Variants in CDH10 observed in about 807,000 individuals in gnomAD.
The protein encoded by CDH10 is cadherin 10.
A neutral mutation model predicts 73.1 loss-of-function variants in CDH10; 30 were observed. That is an observed-to-expected ratio of 0.41 (90% CI 0.31 to 0.56). CDH10 has a LOEUF of 0.56. Ranked by LOEUF, CDH10 falls within the 20% of genes least tolerant of loss-of-function variation. The pLI, the probability that CDH10 is intolerant of heterozygous loss-of-function variation, is 0.27. For missense variants in CDH10, 815 were observed against 973.7 expected (o/e 0.84, Z 2.17); for synonymous variants, 345 against 348.2 (o/e 0.99, Z 0.10).
chr5:24,528,867 T>G (rs2111848327), intron 5 of CDH10, among the ~76,000 whole-genome samples: 1 of 152,108 alleles, frequency 6.6e-6, no homozygotes, highest in South Asian at 2.1e-4. Flanking sequence ...ATAACCTGGA[T>G]CCGCAACCTG....
intron 1 of CDH10, among the ~76,000 whole-genome samples, chr5:24,627,122 C>T (rs1747536135): frequency 6.6e-6 from 1 of 151,684 alleles, no homozygotes; most frequent in African/African-American, 2.4e-5. Context: ...TTTGCCCTAC[C>T]AGTAACATTT....
At chr5:24,589,128 T>C (rs1461110479) in intron 2 of CDH10, among the ~76,000 whole-genome samples, 1 of 152,134 alleles carries the variant, frequency 6.6e-6, no homozygotes, top group East Asian at 1.9e-4. Flanking sequence ...ACTGGAGTGG[T>C]ACCTAGAAGG....
intron 10 of CDH10, among the ~76,000 whole-genome samples, chr5:24,492,329 T>C (rs529229157): frequency 6.6e-6 from 1 of 152,364 alleles, no homozygotes; most frequent in South Asian, 2.1e-4. Context: ...AGAAGGTTTT[T>C]TAACCTTCAA....
intron 1 of CDH10, among the ~76,000 whole-genome samples, chr5:24,632,690 T>C (rs7707804): frequency 0.017 from 2,535 of 152,086 alleles, 71 homozygotes; most frequent in African/African-American, 0.058. Flanking sequence ...ACACATAACA[T>C]AGAGATCATT....
chr5:24,528,559 T>G (rs1353473780), intron 5 of CDH10, among the ~76,000 whole-genome samples: 1 of 151,950 alleles, frequency 6.6e-6, no homozygotes, highest in Non-Finnish European at 1.5e-5. Context: ...CCTTGTCTCA[T>G]GCAAACTTGT....
At chr5:24,580,569 A>C (rs1374128978) in intron 2 of CDH10, among the ~76,000 whole-genome samples, 1 of 152,114 alleles carries the variant, frequency 6.6e-6, no homozygotes, top group Non-Finnish European at 1.5e-5. Context: ...ATTAGTTAAA[A>C]CTTAGTTAGT....
intron 2 of CDH10, among the ~76,000 whole-genome samples, chr5:24,555,364 G>C (rs1233688698): frequency 6.6e-6 from 1 of 152,096 alleles, no homozygotes; most frequent in African/African-American, 2.4e-5. Flanking sequence ...GGACTGTCAA[G>C]CAGTTCCCAA....
Position 24,489,774 on chromosome 5 carries a change from A to T in CDH10, c.1877-1621T>A, listed in dbSNP as rs377558414. On this transcript the variant is annotated intron_variant, in intron 11 of 11. Coordinates refer to ENST00000264463, the MANE Select transcript of CDH10 (RefSeq NM_006727.5). ...GCTCATGACTATAAAATGAATTATC[A>T]TTGTTTGGGGGGAAAGTAAACCAGG... Among the ~76,000 whole-genome samples the T allele has an allele frequency of 1.7e-3, 265 of 152,232 alleles. 3 individuals carry two copies. The South Asian group carries it at 0.018, about 11-fold the overall frequency.
chr5:24,560,964 T>A (rs1010808260), intron 2 of CDH10, among the ~76,000 whole-genome samples: 9 of 152,116 alleles, frequency 5.9e-5, no homozygotes, highest in African/African-American at 2.2e-4. Flanking sequence ...TTAGCTAAAT[T>A]GATAGATATT....
intron 1 of CDH10, among the ~76,000 whole-genome samples, chr5:24,602,252 T>G (rs1440875102): frequency 6.6e-6 from 1 of 152,140 alleles, no homozygotes; most frequent in Non-Finnish European, 1.5e-5. Context: ...ATTATATATT[T>G]GATCTATATT....
chr5:24,604,431 G>A (rs925628749), intron 1 of CDH10, among the ~76,000 whole-genome samples: 2 of 152,078 alleles, frequency 1.3e-5, no homozygotes, highest in East Asian at 1.9e-4. Context: ...AGATCACTAC[G>A]CTGAAACTTT....
intron 5 of CDH10, among the ~76,000 whole-genome samples, chr5:24,516,220 T>C (rs1743103072): frequency 6.6e-6 from 1 of 152,216 alleles, no homozygotes; most frequent in Admixed American, 6.5e-5. Context: ...CTGTTCGTAG[T>C]GTATTATATC....
At chr5:24,509,240 C>CTTTTTTTTTTT (rs35903930) in intron 7 of CDH10, among the ~76,000 whole-genome samples, 5 of 85,334 alleles carry the variant, frequency 5.9e-5, no homozygotes, top group Non-Finnish European at 8.0e-5. Context: ...CTCCTTTTTC[C>CTTTTTTTTTTT]TTTTTTTTTT....
intron 2 of CDH10, among the ~76,000 whole-genome samples, chr5:24,591,464 C>A (rs1746198032): frequency 6.6e-6 from 1 of 151,946 alleles, no homozygotes; most frequent in African/African-American, 2.4e-5. Context: ...TACACCAACA[C>A]TCATTAAAGA....
At chr5:24,616,918 G>A (rs1015228359) in intron 1 of CDH10, among the ~76,000 whole-genome samples, 8 of 152,070 alleles carry the variant, frequency 5.3e-5, no homozygotes, top group Admixed American at 4.6e-4. Flanking sequence ...ACATTTAAGC[G>A]AGAAGTAATT....
At chr5:24,637,210 T>C (rs968767861) in intron 1 of CDH10, among the ~76,000 whole-genome samples, 7 of 151,976 alleles carry the variant, frequency 4.6e-5, no homozygotes, top group African/African-American at 1.4e-4. Flanking sequence ...TCTTCCCAAG[T>C]TTGTCTTTCT....
intron 5 of CDH10, among the ~76,000 whole-genome samples, chr5:24,533,055 A>G (rs540701987): frequency 6.6e-6 from 1 of 152,258 alleles, no homozygotes; most frequent in Non-Finnish European, 1.5e-5. Flanking sequence ...CATAACAAAA[A>G]AGATAACTTA....
intron 1 of CDH10, among the ~76,000 whole-genome samples, chr5:24,595,001 T>C (rs1746322352): frequency 6.6e-6 from 1 of 151,962 alleles, no homozygotes. Flanking sequence ...TTACCTGCTA[T>C]ATGTTTTTGT....
intron 8 of CDH10, among the ~76,000 whole-genome samples, chr5:24,500,862 C>G (rs892197490): frequency 6.6e-6 from 1 of 152,082 alleles, no homozygotes; most frequent in Non-Finnish European, 1.5e-5. Flanking sequence ...ATTAATTAGC[C>G]TTTCTACCAT....
Sources: allele counts gnomAD v4.1 joint callset (sites outside exome capture counted in the v4.1 genomes callset), GRCh38; gene constraint gnomAD v4.1.1; transcripts MANE v1.5; gene names NCBI Gene and HGNC (gene_info 2026-07-23, HGNC 2026-07-21).